Variants in CNTN5 observed in about 807,000 individuals in gnomAD.
CNTN5 encodes contactin 5.
CNTN5 carries 77 observed loss-of-function variants against 129.1 expected under a neutral mutation model. That is an observed-to-expected ratio of 0.60 (90% CI 0.50 to 0.72). The LOEUF (loss-of-function observed/expected upper bound fraction) is 0.72. CNTN5 is among the 30% of genes least tolerant of loss of function. CNTN5 has a pLI of 0.00. For missense variants in CNTN5, 1,478 were observed against 1,328.8 expected, an observed-to-expected ratio of 1.11 and a Z score of -1.75; for synonymous variants, 509 against 465.6, an observed-to-expected ratio of 1.09 and a Z score of -1.20.
intron 7 of CNTN5, among the ~76,000 whole-genome samples, chr11:99,929,052 C>T (rs2136067031): frequency 6.6e-6 from 1 of 152,248 alleles, no homozygotes; most frequent in Admixed American, 6.5e-5. Flanking sequence ...TTTAAAGTTC[C>T]ACAGATCCCC....
In CNTN5 at chr11:99,590,647, C is replaced by T. The variant is rs951068859; in HGVS notation, c.55+34378C>T. Among the ~76,000 whole-genome samples the T allele has an allele frequency of 2.0e-5, 3 of 152,218 alleles. No homozygotes were observed. In the East Asian group the frequency reaches 5.8e-4, roughly 29 times the overall value. ...TATGCAGAGTCATGGCAAGAACATT[C>T]CAGACAAAGGGAATAGCAAATGCAA... On this transcript the variant is annotated intron_variant, in intron 3 of 24. Coordinates refer to ENST00000524871, the MANE Select transcript of CNTN5 (RefSeq NM_014361.4).
intron 3 of CNTN5, among the ~76,000 whole-genome samples, chr11:99,710,550 T>TGC (rs1954934485): frequency 1.4e-5 from 1 of 71,848 alleles, no homozygotes; most frequent in African/African-American, 4.1e-5. Flanking sequence ...CTCTAGATTG[T>TGC]GTGTGTGTGT....
intron 13 of CNTN5, among the ~76,000 whole-genome samples, chr11:100,149,490 TAAAGGA>T (rs1946974683): frequency 6.6e-6 from 1 of 152,162 alleles, no homozygotes; most frequent in Non-Finnish European, 1.5e-5. Context: ...GTAAAAAAAT[TAAAGGA>T]AAAGTGTTTG....
At chr11:100,151,207 A>G (rs952075051) in intron 13 of CNTN5, among the ~76,000 whole-genome samples, 2 of 152,146 alleles carry the variant, frequency 1.3e-5, no homozygotes, top group African/African-American at 4.8e-5. Flanking sequence ...TTAAACTTGT[A>G]TAAGTAAATG....
At chr11:99,904,323 G>C (rs1949437681) in intron 6 of CNTN5, among the ~76,000 whole-genome samples, 2 of 151,900 alleles carry the variant, frequency 1.3e-5, no homozygotes, top group South Asian at 4.2e-4. Context: ...CCCAGTGTGT[G>C]ATGTTCCCCT....
intron 3 of CNTN5, among the ~76,000 whole-genome samples, chr11:99,665,193 G>GA (rs1398859722): frequency 2.0e-5 from 3 of 152,096 alleles, no homozygotes; most frequent in Admixed American, 6.6e-5. Flanking sequence ...CACAGCAGCA[G>GA]ATGCTAATTT....
chr11:99,416,902 A>C (rs1172006910), intron 2 of CNTN5, among the ~76,000 whole-genome samples: 1 of 152,126 alleles, frequency 6.6e-6, no homozygotes, highest in Non-Finnish European at 1.5e-5. Flanking sequence ...CCTTGTTGTT[A>C]CTTACTCATA....
intron 6 of CNTN5, among the ~76,000 whole-genome samples, chr11:99,894,485 T>C (rs1455807895): frequency 1.8e-5 from 2 of 108,216 alleles, no homozygotes; most frequent in Admixed American, 1.8e-4. Flanking sequence ...AAAAAAAAAA[T>C]TCCCAGTATA....
chr11:99,246,255 T>C (rs1225020614), intron 1 of CNTN5, among the ~76,000 whole-genome samples: 3 of 152,142 alleles, frequency 2.0e-5, no homozygotes, highest in Non-Finnish European at 4.4e-5. Context: ...CTAGAGTTAT[T>C]CATCATCATT....
chr11:99,296,133 G>A lies in CNTN5; in HGVS notation c.-209-29213G>A, dbSNP rs932838500. ...AAAAATATTCAAAGATAAGAGTCTCGTGAGAGTAGAAGCCTTGATCTGTGA... is the reference window on the plus strand; with the variant it reads ...AAAAATATTCAAAGATAAGAGTCTCATGAGAGTAGAAGCCTTGATCTGTGA... On this transcript the variant is annotated intron_variant, in intron 1 of 24. Transcript: ENST00000524871. 1.4e-4 allele frequency among the ~76,000 whole-genome samples: 22 copies of A among 152,236 alleles called. 1 individual carries two copies. The highest frequency in any genetic ancestry group is 4.3e-4 in the African/African-American group (18 of 41,550).
At chr11:99,621,585 GCT>G (rs1187021466) in intron 3 of CNTN5, among the ~76,000 whole-genome samples, 1 of 152,018 alleles carries the variant, frequency 6.6e-6, no homozygotes, top group Non-Finnish European at 1.5e-5. Context: ...TTTTTGTACT[GCT>G]CTATAATCTA....
intron 2 of CNTN5, among the ~76,000 whole-genome samples, chr11:99,443,670 G>C (rs1015729348): frequency 3.9e-5 from 6 of 152,170 alleles, no homozygotes; most frequent in African/African-American, 1.4e-4. Flanking sequence ...ATGCTTTCCT[G>C]AGACAGTGCT....
At chr11:99,406,583 G>T (rs1290150022) in intron 2 of CNTN5, among the ~76,000 whole-genome samples, 1 of 152,066 alleles carries the variant, frequency 6.6e-6, no homozygotes, top group East Asian at 1.9e-4. Context: ...CAAAGCCCTG[G>T]GGCTCTACAA....
Position 99,841,859 on chromosome 11 carries a change from TAC to T in CNTN5, c.278-2987_278-2986del, listed in dbSNP as rs1947510657. ...ATACACACACACACACACATATATATACACACATATATACACATACATATACA... is the reference window on the plus strand; with the variant it reads ...ATACACACACACACACACATATATATACACATATATACACATACATATACA... On this transcript the variant is annotated intron_variant, in intron 4 of 24. Coordinates refer to ENST00000524871, the MANE Select transcript of CNTN5 (RefSeq NM_014361.4). Among the ~76,000 whole-genome samples, 3 of 138,608 alleles carry T rather than the reference TAC, an allele frequency of 2.2e-5. No individual in the cohort carries two copies. The South Asian group carries it at 6.8e-4, about 32-fold the overall frequency. The allele number at this position is 138,608 out of a possible 152,430, so 90.9% of individuals were successfully genotyped here.
chr11:99,213,366 GTATA>G (rs1859923701), intron 1 of CNTN5, among the ~76,000 whole-genome samples: 1 of 134,122 alleles, frequency 7.5e-6, no homozygotes, highest in Non-Finnish European at 1.6e-5. Flanking sequence ...GTGTATATAT[GTATA>G]TATGTATATA....
chr11:99,732,173 T>C (rs2135104274), intron 3 of CNTN5, among the ~76,000 whole-genome samples: 1 of 152,268 alleles, frequency 6.6e-6, no homozygotes, highest in Non-Finnish European at 1.5e-5. Flanking sequence ...AAAGAAGTTG[T>C]TAGACGCAGA....
rs569223147 is a variant in CNTN5 at position 99,447,788 on chromosome 11, C to T, written c.-70-108357C>T. Among the ~76,000 whole-genome samples, 7 of 151,996 alleles carry T rather than the reference C, an allele frequency of 4.6e-5. No individual in the cohort carries two copies. The East Asian group carries it at 1.2e-3, about 25-fold the overall frequency. ...AAAAATACAAAAACTAGCTGGGTGT[C>T]GTGGTGGGTTCCTGTAGTCCCAGCT... On this transcript the variant is annotated intron_variant, in intron 2 of 24. Transcript: ENST00000524871.
chr11:100,055,124 A>G (rs374260985), intron 9 of CNTN5, among the ~76,000 whole-genome samples: 5 of 150,112 alleles, frequency 3.3e-5, no homozygotes, highest in South Asian at 2.1e-4. Flanking sequence ...AGCCTTTGCT[A>G]TATACCTCAT....
At chr11:99,459,830 G>A (rs558897864) in intron 2 of CNTN5, among the ~76,000 whole-genome samples, 1 of 151,962 alleles carries the variant, frequency 6.6e-6, no homozygotes, top group African/African-American at 2.4e-5. Context: ...GTAACAAAAG[G>A]GCTTAAATCT....
Sources: allele counts gnomAD v4.1 joint callset (sites outside exome capture counted in the v4.1 genomes callset), GRCh38; gene constraint gnomAD v4.1.1; transcripts MANE v1.5; gene names NCBI Gene and HGNC (gene_info 2026-07-23, HGNC 2026-07-21).